Variants in TAF2 observed in about 807,000 individuals in gnomAD.
TAF2 encodes the protein transcription initiation factor TFIID subunit 2.
TAF2 carries 61 observed loss-of-function variants against 138.5 expected under a neutral mutation model. The observed-to-expected ratio is 0.44, with a 90% CI of 0.36 to 0.54. The LOEUF (loss-of-function observed/expected upper bound fraction) is 0.54. Ranked by LOEUF, TAF2 falls within the 20% of genes least tolerant of loss-of-function variation. The probability of loss-of-function intolerance (pLI) is 0.00; values close to 1 mark genes in which losing one functional copy is unlikely to be tolerated. For missense variants in TAF2, 1,090 were observed against 1,427.9 expected (o/e 0.76, Z 3.81); for synonymous variants, 475 against 469.9 (o/e 1.01, Z -0.14).
chr8:119,748,976 GA>G (rs1192038958), intron 22 of TAF2, among the ~76,000 whole-genome samples: 1 of 151,550 alleles, frequency 6.6e-6, no homozygotes, highest in Non-Finnish European at 1.5e-5. Context: ...CTGTTTGGAA[GA>G]AAACTAAACC....
chr8:119,762,723 A>C, intron 18 of TAF2, 115 bp from the exon 19 acceptor site: 1 of 896,722 alleles, frequency 1.1e-6, no homozygotes, highest in South Asian at 1.8e-5. Context: ...CCCAAAACAC[A>C]AGCAAGTCCT....
At chr8:119,829,546 T>TATATGTATGTGTATATATATACAC (rs1826310299) in intron 2 of TAF2, among the ~76,000 whole-genome samples, 2 of 152,126 alleles carry the variant, frequency 1.3e-5, no homozygotes, top group Non-Finnish European at 2.9e-5. Context: ...TGTGTGTATA[T>TATATGTATGTGTATATATATACAC]ATATGTATGT....
chr8:119,795,832 C>T (rs538563560), intron 8 of TAF2, among the ~76,000 whole-genome samples: 1 of 152,202 alleles, frequency 6.6e-6, no homozygotes, highest in African/African-American at 2.4e-5. Context: ...CCTGCCTTTA[C>T]CTTTCATTAT....
chr8:119,732,426 AGT>A (rs1334411909), intron 25 of TAF2, among the ~76,000 whole-genome samples: 1 of 152,196 alleles, frequency 6.6e-6, no homozygotes, highest in East Asian at 1.9e-4. Flanking sequence ...GCCATATACC[AGT>A]GTGTTACCAA....
At chr8:119,774,491 ATT>A (rs11341545) in intron 18 of TAF2, among the ~76,000 whole-genome samples, 40,660 of 147,714 alleles carry the variant, frequency 0.28, 6,652 homozygotes, top group Admixed American at 0.46. Context: ...TTTTTTTGCA[ATT>A]TTTTTTTTTT....
chr8:119,805,598 C>T (rs1228085584), intron 4 of TAF2, among the ~76,000 whole-genome samples: 2 of 151,872 alleles, frequency 1.3e-5, no homozygotes, highest in East Asian at 2.0e-4. Flanking sequence ...CCTAGCTACT[C>T]GGTGGCTGCG....
intron 2 of TAF2, among the ~76,000 whole-genome samples, 166 bp downstream of exon 2, chr8:119,831,511 G>A (rs1826443508): frequency 6.6e-6 from 1 of 152,070 alleles, no homozygotes; most frequent in Non-Finnish European, 1.5e-5. Flanking sequence ...GGTATTAATA[G>A]AAGGACCATG....
intron 18 of TAF2, among the ~76,000 whole-genome samples, chr8:119,776,824 C>T (rs1283968263): frequency 6.6e-6 from 1 of 152,170 alleles, no homozygotes; most frequent in Non-Finnish European, 1.5e-5. Context: ...CTTTATGACT[C>T]AGTTTGAGGG....
chr8:119,821,360 A>C (rs1235263252), intron 2 of TAF2, among the ~76,000 whole-genome samples: 1 of 152,128 alleles, frequency 6.6e-6, no homozygotes, highest in Middle Eastern at 3.2e-3. Context: ...CCCACACTCC[A>C]TTTTAAACAT....
intron 9 of TAF2, among the ~76,000 whole-genome samples, chr8:119,794,771 T>G (rs2131182433): frequency 6.6e-6 from 1 of 152,342 alleles, no homozygotes; most frequent in Non-Finnish European, 1.5e-5. Flanking sequence ...GTTCTAGATG[T>G]ACAAATACCT....
chr8:119,750,311 A>C (rs1465208419), intron 22 of TAF2, among the ~76,000 whole-genome samples: 5 of 152,188 alleles, frequency 3.3e-5, no homozygotes, highest in Admixed American at 6.5e-5. Context: ...ACTGCACCCC[A>C]CCCTGGGTGA....
At chr8:119,792,223 G>A (rs1403923979) in intron 10 of TAF2, among the ~76,000 whole-genome samples, 1 of 145,852 alleles carries the variant, frequency 6.9e-6, no homozygotes, top group Non-Finnish European at 1.5e-5. Context: ...GCACAATCTT[G>A]GCTCACTGCA....
chr8:119,731,168 T>A lies in TAF2; in HGVS notation c.*756A>T, dbSNP rs1260969114. The A allele has an allele frequency of 6.6e-6, 1 of 152,182 alleles. No individual in the cohort carries two copies. The highest frequency in any genetic ancestry group is 1.5e-5 in the Non-Finnish European group (1 of 68,038). 9.4% of individuals were successfully genotyped at this position (152,182 alleles called of 1,614,324 possible). A position where few individuals can be genotyped will look rare whatever the true frequency, so the allele number is the denominator to read the frequency against. On this transcript the variant is annotated 3_prime_UTR_variant, in exon 26 of 26. Transcript: ENST00000378164. ...AAAACATATTTTACATATGAATATTTTCATTTATACTTACTGGAAAACAAA... is the reference window on the plus strand; with the variant it reads ...AAAACATATTTTACATATGAATATTATCATTTATACTTACTGGAAAACAAA...
chr8:119,785,778 T>C (rs1028579446), intron 14 of TAF2, among the ~76,000 whole-genome samples: 1 of 152,178 alleles, frequency 6.6e-6, no homozygotes, highest in Non-Finnish European at 1.5e-5. Flanking sequence ...CAACAGTTTT[T>C]ATGTTAACTG....
intron 2 of TAF2, among the ~76,000 whole-genome samples, chr8:119,825,426 G>A (rs1288852733): frequency 6.6e-6 from 1 of 152,200 alleles, no homozygotes; most frequent in Non-Finnish European, 1.5e-5. Context: ...TAGGACTGTG[G>A]ACTTTTGAGT....
chr8:119,758,692 A>C (rs1021140414), intron 20 of TAF2, among the ~76,000 whole-genome samples: 7 of 152,142 alleles, frequency 4.6e-5, no homozygotes, highest in Non-Finnish European at 8.8e-5. Flanking sequence ...ATTTCCATTC[A>C]CCTTTTCAAA....
chr8:119,770,045 C>A (rs999234989), intron 18 of TAF2, among the ~76,000 whole-genome samples: 16 of 146,598 alleles, frequency 1.1e-4, no homozygotes, highest in African/African-American at 4.1e-4. Context: ...GTGTAAGCCA[C>A]TGCACGCAGC....
intron 17 of TAF2, among the ~76,000 whole-genome samples, chr8:119,778,794 A>G (rs553389816): frequency 6.6e-6 from 1 of 152,350 alleles, no homozygotes; most frequent in Non-Finnish European, 1.5e-5. Context: ...TTAAGAATGT[A>G]GAAACATGAC....
At chr8:119,803,543 T>G (rs1225508802) in intron 5 of TAF2, among the ~76,000 whole-genome samples, 1 of 151,684 alleles carries the variant, frequency 6.6e-6, no homozygotes, top group African/African-American at 2.4e-5. Flanking sequence ...ATATAAAAAA[T>G]TAGGCAGGTG....
Sources: gnomAD v4.1 joint callset for allele counts (sites outside exome capture counted in the v4.1 genomes callset) on GRCh38, gnomAD v4.1.1 for gene constraint, MANE v1.5 for transcripts, NCBI Gene and HGNC (gene_info 2026-07-23, HGNC 2026-07-21) for gene names.